RERE: variants seen among roughly 807,000 people sequenced by gnomAD.
RERE encodes the protein arginine-glutamic acid dipeptide repeats.
RERE carries 40 observed loss-of-function variants against 146.1 expected under a neutral mutation model. That is an observed-to-expected ratio of 0.27 (90% CI 0.21 to 0.36). The LOEUF (loss-of-function observed/expected upper bound fraction) is 0.36. Among genes scored for constraint, RERE ranks in the 10% least tolerant of loss-of-function variants. The pLI, the probability that RERE is intolerant of heterozygous loss-of-function variation, is 1.00. For synonymous variants in RERE, 1,003 were observed against 866.0 expected (o/e 1.16, Z -2.78); for missense variants, 1,933 against 2,138.7 (o/e 0.90, Z 1.90).
chr1:8,754,044 C>T (rs965650981), intron 1 of RERE, among the ~76,000 whole-genome samples: 1 of 152,182 alleles, frequency 6.6e-6, no homozygotes, highest in East Asian at 1.9e-4. Flanking sequence ...ACCCTACCTT[C>T]ACCCAGCTTG....
At chr1:8,643,281 T>G (rs544266794) in intron 2 of RERE, among the ~76,000 whole-genome samples, 95 of 152,310 alleles carry the variant, frequency 6.2e-4, no homozygotes, top group Non-Finnish European at 1.1e-3. Context: ...TAAAAATACC[T>G]TCAAAGATTG....
intron 1 of RERE, among the ~76,000 whole-genome samples, chr1:8,789,847 C>G (rs769321616): frequency 6.6e-6 from 1 of 152,168 alleles, no homozygotes; most frequent in Non-Finnish European, 1.5e-5. Context: ...TCTTCGATGG[C>G]CCACTCAGCT....
At position 8,620,116 on chromosome 1, in the gene RERE, A is replaced by C. The variant is rs549545035; in HGVS notation, c.396+4194T>G. 3.2e-4 allele frequency among the ~76,000 whole-genome samples: 49 copies of C among 152,352 alleles called. 1 individual carries two copies. The South Asian group carries it at 7.1e-3, about 22-fold the overall frequency. On this transcript the variant is annotated intron_variant, in intron 3 of 22. Coordinates refer to ENST00000400908, the MANE Select transcript of RERE (RefSeq NM_001042681.2). ...TCAGAACAAAACCCTAAAAGTAAGT[A>C]AGTCACATGGTGACCTATAAAAGCT... is the stretch of plus-strand genomic sequence containing the variant.
At chr1:8,396,397 T>C (rs917203761) in intron 12 of RERE, among the ~76,000 whole-genome samples, 1 of 152,146 alleles carries the variant, frequency 6.6e-6, no homozygotes, top group Non-Finnish European at 1.5e-5. Flanking sequence ...TCCCCAGTTA[T>C]CACAGAGCCG....
intron 2 of RERE, among the ~76,000 whole-genome samples, chr1:8,629,977 T>C (rs1462342003): frequency 3.3e-5 from 5 of 152,156 alleles, no homozygotes; most frequent in Non-Finnish European, 7.3e-5. Context: ...AAATGGGAAG[T>C]TGACTCTCAG....
chr1:8,598,599 C>T lies in RERE; in HGVS notation c.522+15962G>A, dbSNP rs567935079. On this transcript the variant is annotated intron_variant, in intron 4 of 22. Transcript: ENST00000400908. ...TGGATTCCACACACAGAAACCACATCCAATGCTCTGTTACTAGAAGTCGAC... is the reference window on the plus strand; with the variant it reads ...TGGATTCCACACACAGAAACCACATTCAATGCTCTGTTACTAGAAGTCGAC... Among the ~76,000 whole-genome samples the T allele has an allele frequency of 1.4e-4, 21 of 152,324 alleles. No homozygotes were observed. In the South Asian group the frequency reaches 1.4e-3, roughly 11 times the overall value.
At chr1:8,442,776 G>C (rs1283123320) in intron 11 of RERE, among the ~76,000 whole-genome samples, 1 of 152,190 alleles carries the variant, frequency 6.6e-6, no homozygotes, top group Non-Finnish European at 1.5e-5. Context: ...GGGAAAGTTT[G>C]GAACTTCTTA....
At chr1:8,633,226 C>G (rs1647054810) in intron 2 of RERE, among the ~76,000 whole-genome samples, 1 of 152,096 alleles carries the variant, frequency 6.6e-6, no homozygotes, top group Non-Finnish European at 1.5e-5. Context: ...TCGAGACCAG[C>G]CTGAGCAACA....
intron 4 of RERE, among the ~76,000 whole-genome samples, chr1:8,584,184 A>G (rs1025989443): frequency 6.6e-6 from 1 of 152,176 alleles, no homozygotes; most frequent in African/African-American, 2.4e-5. Context: ...TAAGAAAAAG[A>G]GAAGTCAGAA....
At chr1:8,601,635 C>CACAT (rs1646628397) in intron 4 of RERE, among the ~76,000 whole-genome samples, 1 of 99,166 alleles carries the variant, frequency 1.0e-5, no homozygotes, top group Non-Finnish European at 2.4e-5. Context: ...ACCACACACA[C>CACAT]ACACACACAC....
At chr1:8,776,770 G>A (rs1367521750) in intron 1 of RERE, among the ~76,000 whole-genome samples, 2 of 152,084 alleles carry the variant, frequency 1.3e-5, no homozygotes, top group Admixed American at 6.5e-5. Context: ...CCAGGCTGGA[G>A]TGCAGTGGCA....
intron 1 of RERE, among the ~76,000 whole-genome samples, chr1:8,677,445 G>GAAAGAAAAGAAAAAAAAAAAAAAAGAAAA (rs1638867625): frequency 1.0e-5 from 1 of 95,442 alleles, no homozygotes; most frequent in African/African-American, 4.0e-5. Context: ...AAAAAAGAAA[G>GAAAGAAAAGAAAAAAAAAAAAAAAGAAAA]AAAGAAAAGA....
At chr1:8,391,527 T>C (rs1365328499) in intron 12 of RERE, among the ~76,000 whole-genome samples, 1 of 152,138 alleles carries the variant, frequency 6.6e-6, no homozygotes, top group Non-Finnish European at 1.5e-5. Flanking sequence ...AGGGCCTCTG[T>C]ACAGGCTGAT....
Position 8,451,292 on chromosome 1 carries a change from T to G in RERE, c.1203+14633A>C, listed in dbSNP as rs553925981. On this transcript the variant is annotated intron_variant, in intron 11 of 22. Coordinates refer to ENST00000400908, the MANE Select transcript of RERE (RefSeq NM_001042681.2). ...CTAAAAATACAAAAATTAGCTGGGG[T>G]GTGGTGGCACATGCCTATAATCCCA... 4.6e-5 allele frequency among the ~76,000 whole-genome samples: 7 copies of G among 152,002 alleles called. No individual in the cohort carries two copies. In the East Asian group the frequency reaches 1.4e-3, roughly 29 times the overall value.
At chr1:8,503,981 A>G (rs981057988) in intron 8 of RERE, among the ~76,000 whole-genome samples, 1 of 152,248 alleles carries the variant, frequency 6.6e-6, no homozygotes, top group African/African-American at 2.4e-5. Context: ...AAAAAAATAA[A>G]GATATACATA....
intron 11 of RERE, 163 bp downstream of exon 11, chr1:8,465,762 A>C: frequency 1.4e-6 from 1 of 695,014 alleles, no homozygotes; most frequent in Non-Finnish European, 2.6e-6. Flanking sequence ...CTTTCTGTAC[A>C]ATTAAGGGGC....
At chr1:8,366,442 C>T (rs756149024) in intron 12 of RERE, among the ~76,000 whole-genome samples, 5 of 152,150 alleles carry the variant, frequency 3.3e-5, no homozygotes, top group African/African-American at 1.2e-4. Flanking sequence ...AGGAAATGCC[C>T]GGCCAGTTAG....
intron 1 of RERE, among the ~76,000 whole-genome samples, chr1:8,808,771 G>A (rs758069277): frequency 2.0e-5 from 3 of 152,140 alleles, no homozygotes; most frequent in Non-Finnish European, 4.4e-5. Context: ...GGAGGCAAAA[G>A]ACAACACAGA....
chr1:8,758,324 C>T (rs1484407994), intron 1 of RERE, among the ~76,000 whole-genome samples: 3 of 151,798 alleles, frequency 2.0e-5, no homozygotes, highest in Non-Finnish European at 4.4e-5. Flanking sequence ...CCTCCTGATC[C>T]ACCCACCCAG....
Sources: gnomAD v4.1 joint callset for allele counts (sites outside exome capture counted in the v4.1 genomes callset) on GRCh38, gnomAD v4.1.1 for gene constraint, MANE v1.5 for transcripts, NCBI Gene and HGNC (gene_info 2026-07-23, HGNC 2026-07-21) for gene names.